FARP2: variants seen among roughly 807,000 people sequenced by gnomAD.
FARP2 encodes FERM, ARHGEF and pleckstrin domain-containing protein 2.
FARP2 carries 111 observed loss-of-function variants against 130.5 expected under a neutral mutation model. The ratio of observed to expected loss-of-function variants is 0.85; its 90% CI spans 0.73 to 1.00. The LOEUF (loss-of-function observed/expected upper bound fraction) is 1.00. FARP2 is among the 50% of genes least tolerant of loss of function. The pLI, the probability that FARP2 is intolerant of heterozygous loss-of-function variation, is 0.00. For missense variants in FARP2, 1,385 were observed against 1,346.3 expected, an observed-to-expected ratio of 1.03 and a Z score of -0.45; for synonymous variants, 504 against 516.9, an observed-to-expected ratio of 0.98 and a Z score of 0.34.
At chr2:241,448,161 GAA>G (rs2063554927) in intron 13 of FARP2, among the ~76,000 whole-genome samples, 1 of 152,186 alleles carries the variant, frequency 6.6e-6, no homozygotes, top group Non-Finnish European at 1.5e-5. Context: ...AGAGGAGAGG[GAA>G]AAGAGTCCCA....
In FARP2 at chr2:241,418,082, T is replaced by C. The variant is rs1335687456; in HGVS notation, c.744T>C (p.Val248=). 3 of 1,614,066 alleles carry C rather than the reference T, an allele frequency of 1.9e-6. No homozygotes were observed. Among genetic ancestry groups the C allele is most frequent in the Non-Finnish European group, 2.5e-6 (3 of 1,180,030 alleles). Residue 248 remains valine, a synonymous_variant, in exon 8 of 27, where the codon GTT becomes GTC. Transcript: ENST00000264042. Reference sequence around the variant, plus strand: ...AAGGAACCAAGATTCAACTGGCAGTTTCCCACATGGGTGTACTCGTGTTCC... The same window carrying C: ...AAGGAACCAAGATTCAACTGGCAGTCTCCCACATGGGTGTACTCGTGTTCC... The part of the protein sequence containing the change: ...DREGTKIQLA[V]SHMGVLVFQG...
chr2:241,475,540 C>A lies in FARP2; in HGVS notation c.2132-317C>A, dbSNP rs2064435778. On this transcript the variant is annotated intron_variant, in intron 18 of 26. Transcript: ENST00000264042. This position sits in a 1 kb window ranked among gnomAD's most constrained non-coding sequence, Gnocchi z 4.4. ...ATTAGATTCTCATGGGAGCACAAAC[C>A]CTATTGTGAACTGCACATGTGGGGG... is the stretch of plus-strand genomic sequence containing the variant. 6.6e-6 allele frequency among the ~76,000 whole-genome samples: 1 copy of A among 152,180 alleles called. No homozygotes were observed. Among genetic ancestry groups the A allele is most frequent in the Non-Finnish European group, 1.5e-5 (1 of 68,034 alleles).
chr2:241,419,344 C>T (rs1467723801), intron 8 of FARP2, among the ~76,000 whole-genome samples: 3 of 152,044 alleles, frequency 2.0e-5, no homozygotes, highest in Non-Finnish European at 4.4e-5. Flanking sequence ...TCCCCCATTG[C>T]ACAGAGATGA....
At chr2:241,360,982 A>G (rs1380197827) in intron 1 of FARP2, among the ~76,000 whole-genome samples, 1 of 151,914 alleles carries the variant, frequency 6.6e-6, no homozygotes, top group Non-Finnish European at 1.5e-5. Context: ...TCCCAGAAAA[A>G]CAGGTGTTCA....
At chr2:241,373,636 G>A (rs745375974) in intron 2 of FARP2, among the ~76,000 whole-genome samples, 1 of 152,172 alleles carries the variant, frequency 6.6e-6, no homozygotes, top group Non-Finnish European at 1.5e-5. Context: ...CAGGCCACCT[G>A]GATGCGGGGA....
chr2:241,399,639 C>A (rs2062116735), intron 2 of FARP2, among the ~76,000 whole-genome samples: 3 of 152,082 alleles, frequency 2.0e-5, no homozygotes, highest in African/African-American at 7.2e-5. Flanking sequence ...TTGCAACTAT[C>A]TTCTATTTTG....
intron 1 of FARP2, among the ~76,000 whole-genome samples, chr2:241,366,102 A>ATATATAT (rs1388297069): frequency 0.015 from 524 of 34,412 alleles, 8 homozygotes; most frequent in Middle Eastern, 0.035. Flanking sequence ...TAAAAAAAAA[A>ATATATAT]AAATATATAT....
At chr2:241,397,711 G>C (rs1021305489) in intron 2 of FARP2, among the ~76,000 whole-genome samples, 11 of 151,982 alleles carry the variant, frequency 7.2e-5, no homozygotes, top group African/African-American at 2.4e-4. Context: ...TTGAGTTGTA[G>C]GTTCTTGGTG....
rs762289746 is a variant in FARP2, at chr2:241,403,870, C to T, written c.226C>T (p.Arg76Cys). ...GQVLLTQVWK[R>C]LNLVECDYFG... ...GGTATTACTGACACAAGTGTGGAAG[C>T]GTTTAAACCTGGTAGAATGTGACTA... is the stretch of plus-strand genomic sequence containing the variant. The change falls in exon 3 of 27, where the codon CGT becomes TGT. Residue 76 changes from arginine to cysteine, a missense_variant. Coordinates refer to ENST00000264042, the MANE Select transcript of FARP2 (RefSeq NM_014808.4). 7.4e-6 allele frequency: 12 copies of T among 1,613,594 alleles called. No individual in the cohort carries two copies. The highest frequency in any genetic ancestry group is 5.0e-5 in the Admixed American group (3 of 59,988).
chr2:241,471,097 C>G (rs2064293602), intron 18 of FARP2, among the ~76,000 whole-genome samples: 1 of 148,908 alleles, frequency 6.7e-6, no homozygotes, highest in African/African-American at 2.5e-5. Context: ...GTGGGGGATT[C>G]TGCTCTGAGA....
chr2:241,427,782 T>C (rs1223137892), intron 8 of FARP2, among the ~76,000 whole-genome samples: 1 of 152,126 alleles, frequency 6.6e-6, no homozygotes, highest in Admixed American at 6.5e-5. Context: ...TGTTTTGTTT[T>C]TGAGATGGAG....
intron 13 of FARP2, chr2:241,442,092 G>A (rs184755468): frequency 2.3e-5 from 9 of 384,712 alleles, no homozygotes; most frequent in African/African-American, 4.2e-5. Context: ...AGGTGAAGGC[G>A]CAGGCCAGCC....
chr2:241,471,892 A>T (rs6755761), intron 18 of FARP2, among the ~76,000 whole-genome samples: 3 of 78,812 alleles, frequency 3.8e-5, no homozygotes, highest in Non-Finnish European at 8.5e-5. Flanking sequence ...TCCTGTTCTG[A>T]GAGGACCATG....
chr2:241,491,766 G>T, intron 24 of FARP2, 87 bp downstream of exon 24: 1 of 1,336,668 alleles, frequency 7.5e-7, no homozygotes, highest in Non-Finnish European at 1.0e-6. Flanking sequence ...ACCTCAGGAG[G>T]GTACCAGCAG....
intron 13 of FARP2, chr2:241,443,214 G>A (rs2063433605): frequency 1.2e-5 from 2 of 168,344 alleles, no homozygotes; most frequent in Non-Finnish European, 2.6e-5. Context: ...TGGGGGTGAG[G>A]GGATGCCTGG....
chr2:241,441,179 C>T, intron 12 of FARP2, 125 bp from the exon 13 acceptor site: 1 of 802,746 alleles, frequency 1.2e-6, no homozygotes, highest in Non-Finnish European at 2.0e-6. Context: ...AGTGAATTGC[C>T]CATTTTCATG....
intron 15 of FARP2, 35 bp downstream of exon 15, chr2:241,462,647 A>T (rs4675811): frequency 0.18 from 238,968 of 1,312,904 alleles, 24,011 homozygotes; most frequent in Admixed American, 0.43. Flanking sequence ...ATTTTTTTTT[A>T]AAATAAATCT....
chr2:241,441,541 C>G lies in FARP2; in HGVS notation c.1396C>G (p.Leu466Val). Residue 466 changes from leucine to valine, a missense_variant, in exon 13 of 27, where the codon CTC becomes GTC. Leu to Val is a conservative substitution (Grantham distance 32, BLOSUM62 1). Coordinates refer to ENST00000264042, the MANE Select transcript of FARP2 (RefSeq NM_014808.4). ...GGCCCAGCCCCTCGGGCCCCCCGCA[C>G]TCCAGCCTGGTCCAGGTGTCGGGTT... ...PSAQPLGPPA[L>V]QPGPGLSTKS... The G allele has an allele frequency of 5.6e-6, 9 of 1,614,100 alleles. No homozygotes were observed. Among genetic ancestry groups the G allele is most frequent in the Non-Finnish European group, 6.8e-6 (8 of 1,180,052 alleles).
chr2:241,427,717 G>A (rs947324517), intron 8 of FARP2, among the ~76,000 whole-genome samples: 1 of 152,084 alleles, frequency 6.6e-6, no homozygotes, highest in African/African-American at 2.4e-5. Context: ...GCTATTGTTG[G>A]CCCACTTCTT....
Sources: allele counts gnomAD v4.1 joint callset (sites outside exome capture counted in the v4.1 genomes callset), GRCh38; gene constraint gnomAD v4.1.1; non-coding constraint Gnocchi (gnomAD v3.1); transcripts MANE v1.5; gene names NCBI Gene and HGNC (gene_info 2026-07-23, HGNC 2026-07-21).